TOMM5: variants seen among roughly 807,000 people sequenced by gnomAD.
The protein encoded by TOMM5 is translocase of outer mitochondrial membrane 5, also known as mitochondrial import receptor subunit TOM5 homolog.
In TOMM5, 1 loss-of-function variant was observed where a neutral mutation model predicts 4.8. That is an observed-to-expected ratio of 0.21 (90% CI 0.07 to 0.99). The LOEUF (loss-of-function observed/expected upper bound fraction) is 0.99, where lower values mean the gene tolerates loss of function less well. TOMM5 is among the 50% of genes least tolerant of loss of function. The pLI is 0.60. For missense variants in TOMM5, 60 were observed against 66.6 expected, an observed-to-expected ratio of 0.90 and a Z score of 0.35; for synonymous variants, 26 against 26.7, an observed-to-expected ratio of 0.97 and a Z score of 0.08.
chr9:37,591,167 A>T (rs1823093926), intron 1 of TOMM5, among the ~76,000 whole-genome samples: 2 of 152,202 alleles, frequency 1.3e-5, no homozygotes, highest in Non-Finnish European at 2.9e-5. Context: ...AATGATATAA[A>T]GAATCTTAGG....
At chr9:37,591,164 TAAAG>T (rs977927799) in intron 1 of TOMM5, among the ~76,000 whole-genome samples, 2 of 152,308 alleles carry the variant, frequency 1.3e-5, no homozygotes, top group African/African-American at 2.4e-5. Flanking sequence ...TAAAATGATA[TAAAG>T]AATCTTAGGC....
intron 1 of TOMM5, chr9:37,592,155 G>A (rs917417704): frequency 7.1e-7 from 1 of 1,416,842 alleles, no homozygotes; most frequent in Non-Finnish European, 9.4e-7. Context: ...CAACGCGCCC[G>A]GCAGCTCAAA....
At chr9:37,591,160 G>C (rs1823093732) in intron 1 of TOMM5, among the ~76,000 whole-genome samples, 1 of 152,068 alleles carries the variant, frequency 6.6e-6, no homozygotes, top group Non-Finnish European at 1.5e-5. Context: ...TTTGTAAAAT[G>C]ATATAAAGAA....
In TOMM5 at chr9:37,588,813, C is replaced by T. The variant is rs1205973998; in HGVS notation, c.*85G>A. ...TGTCCATTCAAAGAGTCTCTTACACCTTTCTGGGCCTATTCACTTGCAGAG... is the reference window on the plus strand; with the variant it reads ...TGTCCATTCAAAGAGTCTCTTACACTTTTCTGGGCCTATTCACTTGCAGAG... On this transcript the variant is annotated 3_prime_UTR_variant, in exon 2 of 2. Coordinates refer to ENST00000321301, the MANE Select transcript of TOMM5 (RefSeq NM_001001790.3). The T allele has an allele frequency of 1.5e-6, 2 of 1,364,880 alleles. No homozygotes were observed. Among genetic ancestry groups the T allele is most frequent in the African/African-American group, 2.9e-5 (2 of 70,044 alleles). 84.5% of individuals were successfully genotyped at this position (1,364,880 alleles called of 1,614,324 possible). A position where few individuals can be genotyped will look rare whatever the true frequency, so the allele number is the denominator to read the frequency against.
At chr9:37,589,878 G>A (rs533140027) in intron 1 of TOMM5, among the ~76,000 whole-genome samples, 12 of 152,236 alleles carry the variant, frequency 7.9e-5, no homozygotes, top group African/African-American at 2.9e-4. Context: ...GATAAAGTCA[G>A]CAGTATATCC....
At chr9:37,592,008 C>G (rs1429105208) in intron 1 of TOMM5, among the ~76,000 whole-genome samples, 1 of 152,004 alleles carries the variant, frequency 6.6e-6, no homozygotes, top group African/African-American at 2.4e-5. Flanking sequence ...ACCTCCGCCT[C>G]CTGGATTCAA....
Position 37,588,989 on chromosome 9 carries a change from T to A in TOMM5, c.122-57A>T, listed in dbSNP as rs984557095. 20 of 1,401,876 alleles carry A rather than the reference T, an allele frequency of 1.4e-5. No homozygotes were observed. In the African/African-American group the frequency reaches 2.1e-4, roughly 15 times the overall value. 86.8% of individuals were successfully genotyped at this position (1,401,876 alleles called of 1,614,324 possible). A position where few individuals can be genotyped will look rare whatever the true frequency, so the allele number is the denominator to read the frequency against. On this transcript the variant is annotated intron_variant, in intron 1 of 1. Transcript: ENST00000321301. ...CAAATCTATTAGCCCATAGGCTACA[T>A]TATAGAATTATCAGGTTTATTCAAC... is the stretch of plus-strand genomic sequence containing the variant.
At position 37,592,580 on chromosome 9, in the gene TOMM5, G is replaced by C. The variant is rs370349476; in HGVS notation, c.-48C>G. On this transcript the variant is annotated 5_prime_UTR_variant, in exon 1 of 2. Coordinates refer to ENST00000321301, the MANE Select transcript of TOMM5 (RefSeq NM_001001790.3). ...CCAGCCGCCGCGCTCTGCTCTCCAC[G>C]GTGGCCGCCTCGCGCCCGGAACTCG... is the stretch of plus-strand genomic sequence containing the variant. 4 of 1,588,676 alleles carry C rather than the reference G, an allele frequency of 2.5e-6. No homozygotes were observed. Among genetic ancestry groups the C allele is most frequent in the Admixed American group, 1.7e-5 (1 of 58,812 alleles).
chr9:37,591,695 GA>G (rs34121872), intron 1 of TOMM5, among the ~76,000 whole-genome samples: 78,278 of 137,502 alleles, frequency 0.57, 22,629 homozygotes, highest in East Asian at 0.8. Flanking sequence ...GTGTATCGAG[GA>G]AAAAAAAAAA....
intron 1 of TOMM5, among the ~76,000 whole-genome samples, chr9:37,589,618 T>TTTTA (rs541595728): frequency 6.6e-6 from 1 of 152,208 alleles, no homozygotes; most frequent in Admixed American, 6.5e-5. Context: ...GTTAACATTA[T>TTTTA]TTTATTTATT....
intron 1 of TOMM5, among the ~76,000 whole-genome samples, chr9:37,591,489 G>C (rs1374042567): frequency 2.0e-5 from 3 of 151,984 alleles, no homozygotes; most frequent in South Asian, 4.2e-4. Context: ...TCAGGAGTTC[G>C]AGACCGGCCT....
At chr9:37,589,011 C>A in intron 1 of TOMM5, 79 bp from the exon 2 acceptor site, 2 of 1,309,322 alleles carry the variant, frequency 1.5e-6, no homozygotes, top group Admixed American at 1.9e-5. Flanking sequence ...CAGGTTTATT[C>A]AACATGTTTT....
intron 1 of TOMM5, chr9:37,592,149 G>T: frequency 7.1e-7 from 1 of 1,402,934 alleles, no homozygotes; most frequent in Non-Finnish European, 9.5e-7. Context: ...GTGAGCCAAC[G>T]CGCCCGGCAG....
At chr9:37,589,909 A>C (rs773445126) in intron 1 of TOMM5, among the ~76,000 whole-genome samples, 1 of 152,236 alleles carries the variant, frequency 6.6e-6, no homozygotes, top group Non-Finnish European at 1.5e-5. Context: ...ACTAATTCTT[A>C]ACGACAGAAA....
At chr9:37,590,109 G>A (rs1214152484) in intron 1 of TOMM5, among the ~76,000 whole-genome samples, 1 of 152,178 alleles carries the variant, frequency 6.6e-6, no homozygotes, top group East Asian at 1.9e-4. Context: ...GAAATATCCA[G>A]GGCCAGGTGT....
Position 37,588,644 on chromosome 9 carries a change from C to G in TOMM5, c.*254G>C. On this transcript the variant is annotated 3_prime_UTR_variant, in exon 2 of 2. Coordinates refer to ENST00000321301, the MANE Select transcript of TOMM5 (RefSeq NM_001001790.3). The stretch of plus-strand genomic sequence containing the variant: ...GAGTTTGACATTATTTACAATTATA[C>G]CAGTATTGTCAGAGGCCAAACGTCA... The G allele has an allele frequency of 3.1e-6, 2 of 641,978 alleles. No homozygotes were observed. Among genetic ancestry groups the G allele is most frequent in the East Asian group, 3.0e-5 (1 of 33,808 alleles). The allele number at this position is 641,978 out of a possible 1,614,324, so 39.8% of individuals were successfully genotyped here. A position where few individuals can be genotyped will look rare whatever the true frequency, so the allele number is the denominator to read the frequency against.
chr9:37,590,176 C>T (rs895952071), intron 1 of TOMM5, among the ~76,000 whole-genome samples: 1 of 152,038 alleles, frequency 6.6e-6, no homozygotes, highest in Non-Finnish European at 1.5e-5. Flanking sequence ...AAGGATTGAT[C>T]GAGCCCAATA....
Position 37,592,454 on chromosome 9 carries a change from A to T in TOMM5, c.79T>A (p.Ser27Thr). Residue 27 changes from serine to threonine, a missense_variant, in exon 1 of 2, where the codon TCC (serine) becomes ACC (threonine). Transcript: ENST00000321301. Reference protein sequence around the residue: ...KRKMREDVISSIRNFLIYVAL... With the variant: ...KRKMREDVISTIRNFLIYVAL... Reference sequence around the variant, plus strand: ...ACGTAGATGAGAAAGTTCCGTATGGAGGAGATCACATCCTCGCGCATCTTC... The same window carrying T: ...ACGTAGATGAGAAAGTTCCGTATGGTGGAGATCACATCCTCGCGCATCTTC... The T allele has an allele frequency of 6.2e-7, 1 of 1,614,128 alleles. No homozygotes were observed. Among genetic ancestry groups the T allele is most frequent in the Non-Finnish European group, 8.5e-7 (1 of 1,180,014 alleles).
chr9:37,590,368 T>TTAG (rs1823081529), intron 1 of TOMM5, among the ~76,000 whole-genome samples: 2 of 151,682 alleles, frequency 1.3e-5, no homozygotes, highest in Non-Finnish European at 2.9e-5. Context: ...CCTCCACCTC[T>TTAG]GCACACTAGC....
Sources: gnomAD v4.1 joint callset for allele counts (sites outside exome capture counted in the v4.1 genomes callset) on GRCh38, gnomAD v4.1.1 for gene constraint, MANE v1.5 for transcripts, NCBI Gene and HGNC (gene_info 2026-07-23, HGNC 2026-07-21) for gene names.